The following EPHA7 variants were observed in gnomAD, a reference collection of about 807,000 sequenced individuals.
EPHA7 encodes EPH receptor A7.
A neutral mutation model predicts 112.6 loss-of-function variants in EPHA7; 25 were observed. The observed-to-expected ratio is 0.22, with a 90% confidence interval of 0.16 to 0.31. The LOEUF (loss-of-function observed/expected upper bound fraction) is 0.31. Among genes scored for constraint, EPHA7 ranks in the 10% least tolerant of loss-of-function variants. EPHA7 has a pLI of 1.00. For synonymous variants in EPHA7, 437 were observed against 406.5 expected (o/e 1.07, Z -0.90); for missense variants, 962 against 1,212.6 (o/e 0.79, Z 3.07).
intron 5 of EPHA7, among the ~76,000 whole-genome samples, chr6:93,316,276 T>C (rs1040923352): frequency 3.3e-5 from 5 of 152,164 alleles, no homozygotes; most frequent in Non-Finnish European, 7.4e-5. Context: ...TAAGAATAAT[T>C]GCAATAACAC....
intron 5 of EPHA7, among the ~76,000 whole-genome samples, chr6:93,354,395 T>A (rs1224389367): frequency 6.6e-6 from 1 of 152,078 alleles, no homozygotes; most frequent in Admixed American, 6.6e-5. Flanking sequence ...CATGAATTAG[T>A]ATTTTAATAC....
At chr6:93,328,009 A>G (rs1165515014) in intron 5 of EPHA7, among the ~76,000 whole-genome samples, 1 of 150,164 alleles carries the variant, frequency 6.7e-6, no homozygotes, top group African/African-American at 2.4e-5. Context: ...CATTTATTCT[A>G]CTCTCCTCCT....
At position 93,358,657 on chromosome 6, in the gene EPHA7, G is replaced by A. The variant is rs531730124; in HGVS notation, c.833-246C>T. On this transcript the variant is annotated intron_variant, in intron 3 of 16. Coordinates refer to ENST00000369303, the MANE Select transcript of EPHA7 (RefSeq NM_004440.4). Reference sequence around the variant, plus strand: ...TGCAGTTGGCACCAGGCCAAAGTCTGGAGCAGAAAACTGAATACAGGCATA... The same window carrying A: ...TGCAGTTGGCACCAGGCCAAAGTCTAGAGCAGAAAACTGAATACAGGCATA... Among the ~76,000 whole-genome samples the A allele has an allele frequency of 7.2e-5, 11 of 152,240 alleles. No homozygotes were observed. In the South Asian group the frequency reaches 8.3e-4, roughly 11 times the overall value.
intron 5 of EPHA7, among the ~76,000 whole-genome samples, chr6:93,294,047 G>T (rs1176866477): frequency 6.6e-6 from 1 of 152,076 alleles, no homozygotes; most frequent in African/African-American, 2.4e-5. Flanking sequence ...GAGATTTATG[G>T]GACGGGAAAG....
At chr6:93,283,107 C>A (rs1008365769) in intron 5 of EPHA7, among the ~76,000 whole-genome samples, 12 of 152,188 alleles carry the variant, frequency 7.9e-5, no homozygotes, top group Non-Finnish European at 1.6e-4. Flanking sequence ...TTATGTCTAG[C>A]TAAGGGATTG....
At chr6:93,405,634 T>C (rs141911055) in intron 3 of EPHA7, among the ~76,000 whole-genome samples, 2 of 151,532 alleles carry the variant, frequency 1.3e-5, no homozygotes, top group East Asian at 3.9e-4. Context: ...TGAGGGTTTC[T>C]ATTAGCCCCA....
chr6:93,276,529 T>C (rs1223563801), intron 5 of EPHA7, among the ~76,000 whole-genome samples: 1 of 152,106 alleles, frequency 6.6e-6, no homozygotes, highest in African/African-American at 2.4e-5. Context: ...AACCTTGCTG[T>C]GCCCAGACTT....
intron 1 of EPHA7, among the ~76,000 whole-genome samples, chr6:93,415,542 T>G (rs1178769726): frequency 6.6e-6 from 1 of 152,128 alleles, no homozygotes; most frequent in Non-Finnish European, 1.5e-5. Context: ...ACTATCAGTA[T>G]GAGAATGCAT....
chr6:93,290,110 ATATG>A (rs569299605), intron 5 of EPHA7, among the ~76,000 whole-genome samples: 5 of 151,994 alleles, frequency 3.3e-5, no homozygotes, highest in African/African-American at 4.8e-5. Flanking sequence ...AACTTGTCAT[ATATG>A]TATATGTGCA....
intron 14 of EPHA7, among the ~76,000 whole-genome samples, chr6:93,247,661 CT>C (rs1177394734): frequency 6.7e-6 from 1 of 149,676 alleles, no homozygotes; most frequent in African/African-American, 2.6e-5. Context: ...CAAATCAGGG[CT>C]TTCCCAGAGA....
Position 93,269,655 on chromosome 6 carries a change from T to C in EPHA7, c.1455A>G (p.Gln485=). The C allele has an allele frequency of 6.6e-7, 1 of 1,521,234 alleles. No homozygotes were observed. The highest frequency in any genetic ancestry group is 8.8e-7 in the Non-Finnish European group (1 of 1,139,242). The allele number at this position is 1,521,234 out of a possible 1,614,324, so 94.2% of individuals were successfully genotyped here. ...EYEIKYYEKD[Q]RERTYSTVKT... ...TTACTGTTGAGTAGGTCCGTTCCCT[T>C]TGATCCTAGAAACAATATTTAGAGG... The change falls in exon 7 of 17, where the codon CAA becomes CAG. Residue 485 remains glutamine (Q), a synonymous_variant. Coordinates refer to ENST00000369303, the MANE Select transcript of EPHA7 (RefSeq NM_004440.4).
chr6:93,255,226 T>C (rs1009689379), intron 13 of EPHA7, among the ~76,000 whole-genome samples: 16 of 151,942 alleles, frequency 1.1e-4, no homozygotes, highest in Admixed American at 5.2e-4. Context: ...TGGGCGCCTG[T>C]TATCCTAGCT....
At chr6:93,399,915 C>A (rs1468056510) in intron 3 of EPHA7, among the ~76,000 whole-genome samples, 1 of 151,990 alleles carries the variant, frequency 6.6e-6, no homozygotes, top group African/African-American at 2.4e-5. Flanking sequence ...TCTAATTTAT[C>A]TTTGATGATC....
chr6:93,340,094 A>G (rs57674249), intron 5 of EPHA7, among the ~76,000 whole-genome samples: 2 of 151,838 alleles, frequency 1.3e-5, no homozygotes, highest in African/African-American at 2.4e-5. Context: ...TATATGCCTG[A>G]TTATTACAGG....
intron 5 of EPHA7, among the ~76,000 whole-genome samples, chr6:93,301,359 G>T (rs2127849816): frequency 6.6e-6 from 1 of 151,930 alleles, no homozygotes; most frequent in Admixed American, 6.6e-5. Context: ...TTTTTGTGTT[G>T]GAAACATGAC....
chr6:93,264,749 A>G, intron 7 of EPHA7, 47 bp from the exon 8 acceptor site: 2 of 1,130,298 alleles, frequency 1.8e-6, no homozygotes, highest in Non-Finnish European at 2.5e-6. Flanking sequence ...ACCATGCAAG[A>G]ACTTGAAAGG....
intron 1 of EPHA7, among the ~76,000 whole-genome samples, chr6:93,415,576 A>G (rs1287341667): frequency 2.0e-5 from 3 of 152,064 alleles, no homozygotes; most frequent in Non-Finnish European, 4.4e-5. Flanking sequence ...ATTAATACAC[A>G]TAATATTTCT....
chr6:93,383,321 TTG>T lies in EPHA7; in HGVS notation c.833-24912_833-24911del, dbSNP rs150790121. On this transcript the variant is annotated intron_variant, in intron 3 of 16. Coordinates refer to ENST00000369303, the MANE Select transcript of EPHA7 (RefSeq NM_004440.4). ...ACAATGACTTATATCAGAACTCATT[TTG>T]TGTGTGTGTGTGTGTGTGTATAATT... is the stretch of plus-strand genomic sequence containing the variant. Among the ~76,000 whole-genome samples, 1,091 of 146,470 alleles carry T rather than the reference TTG, an allele frequency of 7.4e-3. 3 individuals carry two copies. Among genetic ancestry groups the T allele is most frequent in the African/African-American group, 0.024 (961 of 39,872 alleles).
intron 3 of EPHA7, among the ~76,000 whole-genome samples, chr6:93,393,838 T>C (rs1035837311): frequency 6.6e-6 from 1 of 151,840 alleles, no homozygotes; most frequent in Admixed American, 6.6e-5. Flanking sequence ...TTTTCCCCTC[T>C]TTTATGGAAA....
Sources: gnomAD v4.1 joint callset for allele counts (sites outside exome capture counted in the v4.1 genomes callset) on GRCh38, gnomAD v4.1.1 for gene constraint, MANE v1.5 for transcripts, NCBI Gene and HGNC (gene_info 2026-07-23, HGNC 2026-07-21) for gene names.